ANKRD2: variants seen among roughly 807,000 people sequenced by gnomAD.
The protein encoded by ANKRD2 is ankyrin repeat domain 2.
ANKRD2 carries 35 observed loss-of-function variants against 37.3 expected under a neutral mutation model. That is an observed-to-expected ratio of 0.94 (90% CI 0.72 to 1.24). The LOEUF (loss-of-function observed/expected upper bound fraction) is 1.24, where lower values mean the gene tolerates loss of function less well. ANKRD2 is among the 50% of genes most tolerant of loss of function. The pLI is 0.00. For missense variants in ANKRD2, 410 were observed against 445.6 expected, an observed-to-expected ratio of 0.92 and a Z score of 0.72; for synonymous variants, 159 against 186.5, an observed-to-expected ratio of 0.85 and a Z score of 1.20.
Position 97,577,857 on chromosome 10 carries a change from G to T in ANKRD2, c.145G>T (p.Glu49Ter). Residue 49 changes from glutamate (E) to a stop codon, truncating the protein, a stop_gained, in exon 2 of 9, where the codon GAG becomes TAG. Transcript: ENST00000370655. LOFTEE classifies it high-confidence loss of function. The stretch of plus-strand genomic sequence containing the variant: ...CATGGACTTGCTGGTGCTGGAGGAT[G>T]AGAAGCACCACGGGGCTCAGAGTGC... ...LPMDLLVLED[E>*]KHHGAQSAAL... The T allele has an allele frequency of 6.4e-7, 1 of 1,573,956 alleles. No individual in the cohort carries two copies.
At chr10:97,579,477 T>G (rs1212764063) in intron 4 of ANKRD2, among the ~76,000 whole-genome samples, 1 of 151,950 alleles carries the variant, frequency 6.6e-6, no homozygotes, top group African/African-American at 2.4e-5. Flanking sequence ...TGGCCTATTT[T>G]TTTTTCATGG....
intron 4 of ANKRD2, 45 bp from the exon 5 acceptor site, chr10:97,580,810 G>A: frequency 1.3e-6 from 2 of 1,498,644 alleles, no homozygotes; most frequent in South Asian, 1.2e-5. Context: ...GATGGGCTCA[G>A]GCCTGGAGCC....
In ANKRD2 at chr10:97,576,667, A is replaced by ATTTT. The variant is rs1292897077; in HGVS notation, c.88-1132_88-1129dup. Reference sequence around the variant, plus strand: ...AGTGAATTATTTATTTTTAAAACTTATTTTATTTATTTATTTATTTATTTA... The same window carrying ATTTT: ...AGTGAATTATTTATTTTTAAAACTTATTTTTTTTATTTATTTATTTATTTATTTA... On this transcript the variant is annotated intron_variant, in intron 1 of 8. Coordinates refer to ENST00000370655, the MANE Select transcript of ANKRD2 (RefSeq NM_001346793.2). Among the ~76,000 whole-genome samples the ATTTT allele has an allele frequency of 3.0e-3, 326 of 109,106 alleles. 1 individual carries two copies. Among genetic ancestry groups the ATTTT allele is most frequent in the African/African-American group, 9.9e-3 (318 of 31,980 alleles). 71.6% of individuals were successfully genotyped at this position (109,106 alleles called of 152,430 possible).
chr10:97,578,198 C>G (rs746515026), intron 2 of ANKRD2, 42 bp from the exon 3 acceptor site: 28 of 1,334,002 alleles, frequency 2.1e-5, no homozygotes, highest in African/African-American at 4.6e-5. Context: ...GCCCCCCAAA[C>G]TCTCTGCCCG....
chr10:97,577,351 C>T (rs1437497793), intron 1 of ANKRD2, among the ~76,000 whole-genome samples: 7 of 152,160 alleles, frequency 4.6e-5, no homozygotes, highest in African/African-American at 1.4e-4. Context: ...GAGCTGGTCT[C>T]GAACCCCTGG....
chr10:97,581,288 G>C, intron 5 of ANKRD2, 28 bp from the exon 6 acceptor site: 1 of 1,605,868 alleles, frequency 6.2e-7, no homozygotes. Context: ...CTGCAGCTCT[G>C]TAGTTAGACC....
intron 4 of ANKRD2, among the ~76,000 whole-genome samples, chr10:97,580,089 C>T (rs2040878235): frequency 6.6e-6 from 1 of 152,174 alleles, no homozygotes; most frequent in Non-Finnish European, 1.5e-5. Flanking sequence ...TCTTTAGACT[C>T]CAGAGTCTTC....
intron 4 of ANKRD2, among the ~76,000 whole-genome samples, chr10:97,580,457 C>T (rs1344441324): frequency 6.6e-6 from 1 of 152,236 alleles, no homozygotes; most frequent in Non-Finnish European, 1.5e-5. Flanking sequence ...CTCGAACACA[C>T]TCTCACAGTT....
chr10:97,577,966 A>C, intron 2 of ANKRD2, 65 bp downstream of exon 2: 1 of 1,439,808 alleles, frequency 6.9e-7, no homozygotes, highest in Non-Finnish European at 9.3e-7. Context: ...GCCTGTCTGC[A>C]CCTCTCCCCA....
At chr10:97,574,622 C>G (rs2040801067) in intron 1 of ANKRD2, among the ~76,000 whole-genome samples, 1 of 151,944 alleles carries the variant, frequency 6.6e-6, no homozygotes, top group South Asian at 2.1e-4. Context: ...AAAGGCTGGC[C>G]CTAGCAGGAA....
rs1429386139 is a variant in ANKRD2, at chr10:97,578,591, G to T, written c.442G>T (p.Asp148Tyr). 1.3e-6 allele frequency: 2 copies of T among 1,556,918 alleles called. No homozygotes were observed. Among genetic ancestry groups the T allele is most frequent in the African/African-American group, 2.7e-5 (2 of 73,456 alleles). ...EKFLADGGSA[D>Y]TCDQFRRTAL... is the part of the protein sequence containing the mutation. ...GTTCCTGGCTGACGGGGGGTCAGCC[G>T]ACACGTGCGACCAGGTGATGCTCCT... is the stretch of plus-strand genomic sequence containing the variant. The change falls in exon 4 of 9, where the codon GAC (aspartate) becomes TAC (tyrosine). Residue 148 changes from aspartate to tyrosine, a missense_variant. Transcript: ENST00000370655.
Position 97,582,700 on chromosome 10 carries a change from C to A in ANKRD2, c.850C>A (p.Leu284Met), listed in dbSNP as rs1216367772. The A allele has an allele frequency of 2.5e-6, 4 of 1,613,846 alleles. No homozygotes were observed. The East Asian group carries it at 8.9e-5, about 36-fold the overall frequency. The change falls in exon 8 of 9, where the codon CTG becomes ATG. Residue 284 changes from leucine (L) to methionine (M), a missense_variant and splice_region_variant. Coordinates refer to ENST00000370655, the MANE Select transcript of ANKRD2 (RefSeq NM_001346793.2). Reference sequence around the variant, plus strand: ...TGGGGCTGACATGATGACCAAGAACCTGGTAAGCTCATTCCCTCCTTGATT... The same window carrying A: ...TGGGGCTGACATGATGACCAAGAACATGGTAAGCTCATTCCCTCCTTGATT... ...LHGADMMTKN[L>M]AGKTPTDLVQ...
intron 7 of ANKRD2, 65 bp downstream of exon 7, chr10:97,582,478 G>A: frequency 1.9e-6 from 3 of 1,589,398 alleles, no homozygotes; most frequent in Non-Finnish European, 2.6e-6. Flanking sequence ...GGCCCCTACA[G>A]GTGGTGTCCT....
chr10:97,575,924 A>G (rs920003945), intron 1 of ANKRD2, among the ~76,000 whole-genome samples: 10 of 151,986 alleles, frequency 6.6e-5, no homozygotes, highest in East Asian at 1.9e-4. Context: ...AAAAAAAAAA[A>G]AATACACAAG....
intron 5 of ANKRD2, among the ~76,000 whole-genome samples, 178 bp from the exon 6 acceptor site, chr10:97,581,138 G>A (rs973745219): frequency 6.6e-5 from 10 of 152,294 alleles, no homozygotes; most frequent in African/African-American, 2.4e-4. Context: ...CTGTGAGTCT[G>A]GCTTGGACCA....
At chr10:97,578,004 C>T (rs1345495147) in intron 2 of ANKRD2, 103 bp downstream of exon 2, 4 of 1,196,986 alleles carry the variant, frequency 3.3e-6, no homozygotes, top group African/African-American at 1.5e-5. Flanking sequence ...CAGTTCAGCA[C>T]CCCCGGTAGA....
intron 1 of ANKRD2, among the ~76,000 whole-genome samples, chr10:97,576,899 G>A (rs2040833784): frequency 6.6e-6 from 1 of 151,980 alleles, no homozygotes; most frequent in South Asian, 2.1e-4. Flanking sequence ...GTTTCACCAT[G>A]TTGCCTATGG....
chr10:97,577,566 G>C (rs751347174), intron 1 of ANKRD2, among the ~76,000 whole-genome samples: 27 of 152,358 alleles, frequency 1.8e-4, no homozygotes, highest in Non-Finnish European at 3.4e-4. Flanking sequence ...AGGCCAGTTA[G>C]TGGGCAGGTG....
At chr10:97,578,017 T>C (rs2040846686) in intron 2 of ANKRD2, 116 bp downstream of exon 2, 1 of 1,132,422 alleles carries the variant, frequency 8.8e-7, no homozygotes, top group East Asian at 2.6e-5. Context: ...CCGGTAGAGC[T>C]TGCTAGCCCT....
Sources: gnomAD v4.1 joint callset for allele counts (sites outside exome capture counted in the v4.1 genomes callset) on GRCh38, gnomAD v4.1.1 for gene constraint, MANE v1.5 for transcripts, NCBI Gene and HGNC (gene_info 2026-07-23, HGNC 2026-07-21) for gene names.